The following CYBB variants were observed in gnomAD, a reference collection of about 807,000 sequenced individuals.
CYBB encodes the protein cytochrome b-245 beta chain.
A neutral mutation model predicts 46.5 loss-of-function variants in CYBB; 5 were observed. That is an observed-to-expected ratio of 0.11 (90% confidence interval 0.06 to 0.23). CYBB has a LOEUF of 0.23. Ranked by LOEUF, CYBB falls within the 10% of genes least tolerant of loss-of-function variation. The pLI, the probability that CYBB is intolerant of heterozygous loss-of-function variation, is 1.00. For missense variants in CYBB, 307 were observed against 428.3 expected (o/e 0.72, Z 2.50); for synonymous variants, 183 against 156.7 (o/e 1.17, Z -1.26).
intron 7 of CYBB, among the ~76,000 whole-genome samples, chrX:37,800,127 T>C (rs1929405836): frequency 9.0e-6 from 1 of 111,149 alleles, no homozygotes; most frequent in African/African-American, 3.3e-5. Flanking sequence ...TTGCCAATCC[T>C]CTTGTGGGCA....
intron 1 of CYBB, 55 bp from the exon 2 acceptor site, chrX:37,782,033 G>A (rs1412765730): frequency 6.1e-6 from 6 of 989,800 alleles, no homozygotes; most frequent in Non-Finnish European, 7.2e-6. Flanking sequence ...CCAGTCTTGT[G>A]TGGAATCTAC....
chrX:37,805,551 T>G (rs782715854), intron 10 of CYBB, among the ~76,000 whole-genome samples: 1 of 112,013 alleles, frequency 8.9e-6, no homozygotes, highest in South Asian at 3.7e-4. Context: ...GTCCTGCTTT[T>G]AAAAAAACAT....
intron 3 of CYBB, among the ~76,000 whole-genome samples, chrX:37,791,630 G>A (rs1211086108): frequency 4.5e-5 from 5 of 112,091 alleles, no homozygotes; most frequent in Non-Finnish European, 9.4e-5. Context: ...TTTGTTTAAT[G>A]AGTAAATTAA....
At chrX:37,797,422 G>A (rs888224537) in intron 6 of CYBB, among the ~76,000 whole-genome samples, 1 of 111,669 alleles carries the variant, frequency 9.0e-6, no homozygotes, top group Non-Finnish European at 1.9e-5. Flanking sequence ...GAAGCAGACA[G>A]AGGAGATATG....
At chrX:37,789,065 C>T (rs923514762) in intron 3 of CYBB, among the ~76,000 whole-genome samples, 2 of 111,178 alleles carry the variant, frequency 1.8e-5, no homozygotes, top group Admixed American at 1.9e-4. Context: ...CTAGAGGTCC[C>T]TGTTTCCTTG....
rs1556466287 is a variant in CYBB, at chrX:37,789,488, A to AAAGAAAGAGAAAGAAAGAAAGG, written c.253-2478_253-2457dup. 1.7e-4 allele frequency among the ~76,000 whole-genome samples: 18 copies of AAAGAAAGAGAAAGAAAGAAAGG among 107,399 alleles called. No homozygotes were observed. The East Asian group carries it at 3.7e-3, about 22-fold the overall frequency. 93.3% of individuals were successfully genotyped at this position (107,399 alleles called of 115,157 possible). On this transcript the variant is annotated intron_variant, in intron 3 of 12. Transcript: ENST00000378588. Reference sequence around the variant, plus strand: ...GAAAGAAAGAAGGAAAGAAAGAAAGAAAGAAAGAGAAAGAAAGAAAGGAAG... The same window carrying AAAGAAAGAGAAAGAAAGAAAGG: ...GAAAGAAAGAAGGAAAGAAAGAAAGAAAGAAAGAGAAAGAAAGAAAGGAAGAAAGAGAAAGAAAGAAAGGAAG...
Position 37,795,965 on chromosome X carries a change from C to A in CYBB, c.498C>A (p.Gly166=), listed in dbSNP as rs1035290700. 2.5e-6 allele frequency: 3 copies of A among 1,193,819 alleles called. No homozygotes were observed. Among genetic ancestry groups the A allele is most frequent in the African/African-American group, 1.8e-5 (1 of 56,308 alleles). ...ARKRIKNPEG[G]LYLAVTLLAG... ...ATATTTTACAGAACCCTGAAGGAGGCCTGTACCTGGCTGTGACCCTGTTGG... is the reference window on the plus strand; with the variant it reads ...ATATTTTACAGAACCCTGAAGGAGGACTGTACCTGGCTGTGACCCTGTTGG... Residue 166 remains glycine, a synonymous_variant, in exon 6 of 13, where the codon GGC becomes GGA. Coordinates refer to ENST00000378588, the MANE Select transcript of CYBB (RefSeq NM_000397.4).
chrX:37,780,146 T>C (rs1556464131), intron 1 of CYBB, 24 bp downstream of exon 1: 4 of 1,169,333 alleles, frequency 3.4e-6, no homozygotes, highest in Non-Finnish European at 4.7e-6. Context: ...AGAGATAAGT[T>C]ATAAATTCTC....
chrX:37,787,910 A>C (rs1443565050), intron 3 of CYBB, among the ~76,000 whole-genome samples: 1 of 111,640 alleles, frequency 9.0e-6, no homozygotes, highest in African/African-American at 3.3e-5. Context: ...AAAATTAGGG[A>C]TTTGTGCCCT....
intron 6 of CYBB, among the ~76,000 whole-genome samples, chrX:37,797,069 T>C (rs1388723457): frequency 2.7e-5 from 3 of 110,359 alleles, no homozygotes; most frequent in Non-Finnish European, 5.7e-5. Context: ...GAAATTAGGG[T>C]TGGAGGAAGT....
At chrX:37,780,219 T>G in intron 1 of CYBB, 97 bp downstream of exon 1, 1 of 727,353 alleles carries the variant, frequency 1.4e-6, no homozygotes, top group African/African-American at 2.1e-5. Flanking sequence ...TTTGAGGAAT[T>G]GTGTTGAAAC....
intron 3 of CYBB, among the ~76,000 whole-genome samples, chrX:37,785,632 A>C (rs1188076113): frequency 3.6e-5 from 4 of 111,006 alleles, no homozygotes; most frequent in African/African-American, 1.3e-4. Flanking sequence ...GCAGCCTGGA[A>C]CTCCTGGGCT....
intron 1 of CYBB, 71 bp from the exon 2 acceptor site, chrX:37,782,017 C>A: frequency 1.1e-6 from 1 of 899,073 alleles, no homozygotes; most frequent in South Asian, 2.0e-5. Context: ...TGACCCTTAT[C>A]TGACTCCAGT....
chrX:37,800,554 T>C (rs1359340317), intron 7 of CYBB, among the ~76,000 whole-genome samples: 1 of 111,724 alleles, frequency 9.0e-6, no homozygotes, highest in African/African-American at 3.3e-5. Context: ...CTAAAATTCT[T>C]TGCTAGTTTA....
intron 3 of CYBB, among the ~76,000 whole-genome samples, chrX:37,784,169 G>GA (rs782460737): frequency 9.0e-6 from 1 of 111,309 alleles, no homozygotes; most frequent in Admixed American, 9.6e-5. Context: ...CTAGAAGGGG[G>GA]AAAAAATAAG....
intron 2 of CYBB, 59 bp downstream of exon 2, chrX:37,782,242 C>A: frequency 1.3e-6 from 1 of 773,488 alleles, no homozygotes; most frequent in Non-Finnish European, 2.0e-6. Context: ...ATCAGACATT[C>A]TTGTTCATCT....
At chrX:37,798,083 C>T (rs782369047) in intron 6 of CYBB, 10 of 112,068 alleles carry the variant, frequency 8.9e-5, no homozygotes, top group Non-Finnish European at 1.9e-4. Context: ...TGAATTAAAA[C>T]ATTCTCAGAA....
intron 4 of CYBB, 30 bp downstream of exon 4, chrX:37,792,089 G>A: frequency 1.0e-6 from 1 of 987,929 alleles, no homozygotes; most frequent in Non-Finnish European, 1.4e-6. Flanking sequence ...CTTGGAACCA[G>A]GGAGTTCCCT....
At chrX:37,796,230 T>C in intron 6 of CYBB, 89 bp downstream of exon 6, 2 of 798,055 alleles carry the variant, frequency 2.5e-6, no homozygotes, top group Non-Finnish European at 3.8e-6. Context: ...CCTCCTTGCC[T>C]GTGTGTGGTT....
Sources: gnomAD v4.1 joint callset for allele counts (sites outside exome capture counted in the v4.1 genomes callset) on GRCh38, gnomAD v4.1.1 for gene constraint, MANE v1.5 for transcripts, NCBI Gene and HGNC (gene_info 2026-07-23, HGNC 2026-07-21) for gene names.